Variants in NBR1 observed in about 807,000 individuals in gnomAD.
The protein encoded by NBR1 is next to BRCA1 gene 1 protein.
A neutral mutation model predicts 115.5 loss-of-function variants in NBR1; 59 were observed. That is an observed-to-expected ratio of 0.51 (90% CI 0.41 to 0.63). The LOEUF (loss-of-function observed/expected upper bound fraction) is 0.63, where lower values mean the gene tolerates loss of function less well. NBR1 is among the 30% of genes least tolerant of loss of function. NBR1 has a pLI of 0.00. For missense variants in NBR1, 1,043 were observed against 1,150.5 expected (o/e 0.91, Z 1.35); for synonymous variants, 373 against 414.7 (o/e 0.90, Z 1.22).
At chr17:43,173,036 C>T (rs1188823921) in intron 1 of NBR1, among the ~76,000 whole-genome samples, 2 of 152,070 alleles carry the variant, frequency 1.3e-5, no homozygotes, top group African/African-American at 2.4e-5. Context: ...CCGTGTTAGC[C>T]AGGATGGTCT....
chr17:43,200,672 C>T, intron 17 of NBR1, 64 bp downstream of exon 17: 1 of 1,444,672 alleles, frequency 6.9e-7, no homozygotes, highest in Non-Finnish European at 9.4e-7. Flanking sequence ...AGGAATCGAC[C>T]TGATCTCAAA....
Position 43,210,659 on chromosome 17 carries a change from A to G in NBR1, c.*585A>G, listed in dbSNP as rs562158796. The G allele has an allele frequency of 2.3e-5, 9 of 398,348 alleles. No homozygotes were observed. Among genetic ancestry groups the G allele is most frequent in the Non-Finnish European group, 3.5e-5 (8 of 226,054 alleles). 24.7% of individuals were successfully genotyped at this position (398,348 alleles called of 1,614,324 possible). A position where few individuals can be genotyped will look rare whatever the true frequency, so the allele number is the denominator to read the frequency against. On this transcript the variant is annotated 3_prime_UTR_variant, in exon 21 of 21. Coordinates refer to ENST00000590996, the MANE Select transcript of NBR1 (RefSeq NM_005899.5). The stretch of plus-strand genomic sequence containing the variant: ...TAATTGGCACCGTTGCTTTCTAAAG[A>G]CTCCATGGTGCATTCAAGAGTATCC...
rs1243953478 is a variant in NBR1, at chr17:43,197,082, C to T, written c.2002C>T (p.Pro668Ser). Residue 668 changes from proline to serine, a missense_variant, in exon 16 of 21, where the codon CCT becomes TCT. Physicochemically the swap from Pro to Ser is moderately conservative, Grantham distance 74 (BLOSUM62 -1). Coordinates refer to ENST00000590996, the MANE Select transcript of NBR1 (RefSeq NM_005899.5). ...TLDAAPDHNP[P>S]CRQKSLQMTF... ...GGATGCTGCCCCAGACCACAACCCTCCTTGCAGACAGAAGTCCTTGCAGAG... is the reference window on the plus strand; with the variant it reads ...GGATGCTGCCCCAGACCACAACCCTTCTTGCAGACAGAAGTCCTTGCAGAG... The T allele has an allele frequency of 6.2e-7, 1 of 1,613,972 alleles. No homozygotes were observed. Among genetic ancestry groups the T allele is most frequent in the Admixed American group, 1.7e-5 (1 of 60,004 alleles).
At chr17:43,174,718 G>A (rs1236667035) in intron 1 of NBR1, among the ~76,000 whole-genome samples, 9 of 152,082 alleles carry the variant, frequency 5.9e-5, no homozygotes, top group Non-Finnish European at 1.0e-4. Context: ...ATATGTGAAT[G>A]AGGATAGCCT....
At chr17:43,175,736 T>C (rs1434460865) in intron 1 of NBR1, 55 bp from the exon 2 acceptor site, 2 of 820,206 alleles carry the variant, frequency 2.4e-6, no homozygotes, top group Non-Finnish European at 3.9e-6. Flanking sequence ...GTGCAACTTA[T>C]AGAACCCTTT....
In NBR1 at chr17:43,176,687, A is replaced by G. The variant is rs1009919587; in HGVS notation, c.102+786A>G. On this transcript the variant is annotated intron_variant, in intron 2 of 20. Transcript: ENST00000590996. Reference sequence around the variant, plus strand: ...CAAAAAAAAAAAAAAGATTGGATTCAGAAAGAAGTTAGATCTTGTTTGCCA... The same window carrying G: ...CAAAAAAAAAAAAAAGATTGGATTCGGAAAGAAGTTAGATCTTGTTTGCCA... 5 of 151,930 alleles carry G rather than the reference A, an allele frequency of 3.3e-5. No individual in the cohort carries two copies. The East Asian group carries it at 9.6e-4, about 29-fold the overall frequency. 9.4% of individuals were successfully genotyped at this position (151,930 alleles called of 1,614,324 possible).
At chr17:43,192,875 G>C (rs970758368) in intron 10 of NBR1, among the ~76,000 whole-genome samples, 28 of 152,146 alleles carry the variant, frequency 1.8e-4, no homozygotes, top group African/African-American at 6.3e-4. Flanking sequence ...TTTAGCTCAG[G>C]AGTGAGACCT....
intron 4 of NBR1, among the ~76,000 whole-genome samples, chr17:43,180,148 A>C (rs1256080145): frequency 6.6e-6 from 1 of 152,232 alleles, no homozygotes; most frequent in African/African-American, 2.4e-5. Context: ...ACATGATGTT[A>C]TGAAATACAT....
intron 3 of NBR1, 85 bp from the exon 4 acceptor site, chr17:43,179,309 C>T (rs906299890): frequency 7.9e-7 from 1 of 1,273,300 alleles, no homozygotes; most frequent in African/African-American, 1.5e-5. Context: ...GAGTTTTTGT[C>T]TGTCCTATGG....
Position 43,200,313 on chromosome 17 carries a change from T to C in NBR1, c.2173T>C (p.Ser725Pro), listed in dbSNP as rs1307326131. ...DELKDEVQSQSSASSEDYIII... is the reference protein window; with the variant it reads ...DELKDEVQSQPSASSEDYIII... The stretch of plus-strand genomic sequence containing the variant: ...GCTCAAAGATGAAGTTCAAAGTCAG[T>C]CCTCTGCTTCCTCAGAGGATTACAT... The change falls in exon 17 of 21, where the codon TCC (serine) becomes CCC (proline). Residue 725 changes from serine to proline, a missense_variant. Coordinates refer to ENST00000590996, the MANE Select transcript of NBR1 (RefSeq NM_005899.5). 1.3e-6 allele frequency: 2 copies of C among 1,552,200 alleles called. No homozygotes were observed. The highest frequency in any genetic ancestry group is 2.4e-5 in the East Asian group (1 of 40,938).
chr17:43,196,881 C>A (rs2057079968), intron 15 of NBR1, 61 bp from the exon 16 acceptor site: 1 of 1,570,410 alleles, frequency 6.4e-7, no homozygotes, highest in South Asian at 1.1e-5. Context: ...TGGGTAATGA[C>A]TGGTGAATGT....
At chr17:43,171,769 C>A (rs2056377675) in intron 1 of NBR1, among the ~76,000 whole-genome samples, 1 of 152,188 alleles carries the variant, frequency 6.6e-6, no homozygotes, top group Non-Finnish European at 1.5e-5. Context: ...TTTGGAAAGG[C>A]ACTGTTTTTC....
chr17:43,193,783 A>T lies in NBR1; in HGVS notation c.1524+145A>T, dbSNP rs1043165196. 4.7e-5 allele frequency: 41 copies of T among 864,942 alleles called. No individual in the cohort carries two copies. The South Asian group carries it at 7.4e-4, about 16-fold the overall frequency. 53.6% of individuals were successfully genotyped at this position (864,942 alleles called of 1,614,324 possible). A position where few individuals can be genotyped will look rare whatever the true frequency, so the allele number is the denominator to read the frequency against. ...TCTCCCCCCGCCCCAACACATCTCT[A>T]TGCTGATATTTGGCCTCTTCCTTAG... is the stretch of plus-strand genomic sequence containing the variant. On this transcript the variant is annotated intron_variant, in intron 12 of 20. Coordinates refer to ENST00000590996, the MANE Select transcript of NBR1 (RefSeq NM_005899.5).
At chr17:43,209,423 G>A in intron 20 of NBR1, 1 of 694,410 alleles carries the variant, frequency 1.4e-6, no homozygotes, top group East Asian at 2.7e-5. Context: ...AGCCTTCCCA[G>A]GTTGTAATTT....
intron 9 of NBR1, among the ~76,000 whole-genome samples, chr17:43,191,033 C>G (rs1010255029): frequency 6.6e-6 from 1 of 152,128 alleles, no homozygotes; most frequent in African/African-American, 2.4e-5. Context: ...GGGAGGAGTG[C>G]TTGAAGCCAA....
At chr17:43,193,673 C>G in intron 12 of NBR1, 35 bp downstream of exon 12, 1 of 1,567,152 alleles carries the variant, frequency 6.4e-7, no homozygotes, top group Non-Finnish European at 8.7e-7. Flanking sequence ...GCCTAGTATC[C>G]AAATCTTAGT....
Position 43,196,491 on chromosome 17 carries a change from C to T in NBR1, c.1761C>T (p.Pro587=), listed in dbSNP as rs988267736. The change falls in exon 15 of 21, where the codon CCC becomes CCT. Residue 587 remains proline, a synonymous_variant. Transcript: ENST00000590996. The part of the protein sequence containing the change: ...VPHNTPVDVT[P]CMSPLPHDSP... ...GTCTTCATTCTCCAGATGTGACTCCCTGCATGTCTCCTCTGCCACATGACA... is the reference window on the plus strand; with the variant it reads ...GTCTTCATTCTCCAGATGTGACTCCTTGCATGTCTCCTCTGCCACATGACA... The T allele has an allele frequency of 2.5e-6, 4 of 1,580,176 alleles. No homozygotes were observed. Among genetic ancestry groups the T allele is most frequent in the Admixed American group, 4.0e-5 (2 of 50,576 alleles).
At chr17:43,184,082 C>A (rs1409742875) in intron 5 of NBR1, among the ~76,000 whole-genome samples, 1 of 151,968 alleles carries the variant, frequency 6.6e-6, no homozygotes, top group East Asian at 1.9e-4. Context: ...GGCTGGAGTG[C>A]AGTGGTATGA....
intron 6 of NBR1, 76 bp downstream of exon 6, chr17:43,186,520 A>G: frequency 8.0e-7 from 1 of 1,243,816 alleles, no homozygotes; most frequent in Non-Finnish European, 1.1e-6. Context: ...AGGTTTCTTT[A>G]TTTTATTTTT....
Sources: allele counts gnomAD v4.1 joint callset (sites outside exome capture counted in the v4.1 genomes callset), GRCh38; gene constraint gnomAD v4.1.1; transcripts MANE v1.5; gene names NCBI Gene and HGNC (gene_info 2026-07-23, HGNC 2026-07-21).